Variants in CARS2 observed in about 807,000 individuals in gnomAD.
CARS2 encodes the protein probable cysteine--tRNA ligase, mitochondrial.
Under a neutral mutation model 68.8 loss-of-function variants are expected in CARS2, and 52 were observed. The observed-to-expected ratio is 0.76, with a 90% confidence interval of 0.61 to 0.95. The LOEUF (loss-of-function observed/expected upper bound fraction) is 0.95. Ranked by LOEUF, CARS2 falls within the 40% of genes least tolerant of loss-of-function variation. The pLI is 0.00. For missense variants in CARS2, 780 were observed against 754.2 expected, an observed-to-expected ratio of 1.03 and a Z score of -0.40; for synonymous variants, 314 against 303.6, an observed-to-expected ratio of 1.03 and a Z score of -0.36.
At chr13:110,679,025 C>T (rs2063057551) in intron 6 of CARS2, among the ~76,000 whole-genome samples, 4 of 15,646 alleles carry the variant, frequency 2.6e-4, no homozygotes, top group South Asian at 2.5e-3. Flanking sequence ...CGGTCACGCC[C>T]GTTGTCCTTA....
At chr13:110,647,719 C>G (rs1888338360) in intron 10 of CARS2, among the ~76,000 whole-genome samples, 2 of 152,280 alleles carry the variant, frequency 1.3e-5, no homozygotes, top group South Asian at 4.1e-4. Flanking sequence ...GTCCCCAGAC[C>G]TGGCTTTAGA....
intron 8 of CARS2, 62 bp downstream of exon 8, chr13:110,667,278 G>A (rs1271822882): frequency 1.3e-5 from 19 of 1,451,278 alleles, no homozygotes; most frequent in East Asian, 9.5e-5. Context: ...TAGCTGTTCC[G>A]CCGACAAAGA....
Position 110,662,992 on chromosome 13 carries a change from T to A in CARS2, c.987+459A>T, listed in dbSNP as rs754611175. On this transcript the variant is annotated intron_variant, in intron 9 of 14. Coordinates refer to ENST00000257347, the MANE Select transcript of CARS2 (RefSeq NM_024537.4). ...CACACGAAAATTCACATTCCATGTGTCAGCAGCATAGCATGATGCCATTTT... is the reference window on the plus strand; with the variant it reads ...CACACGAAAATTCACATTCCATGTGACAGCAGCATAGCATGATGCCATTTT... 50 of 456,918 alleles carry A rather than the reference T, an allele frequency of 1.1e-4. 1 individual carries two copies. Among genetic ancestry groups the A allele is most frequent in the South Asian group, 7.6e-4 (49 of 64,532 alleles). 28.3% of individuals were successfully genotyped at this position (456,918 alleles called of 1,614,324 possible).
upstream of CARS2, among the ~76,000 whole-genome samples, chr13:110,709,320 C>T (rs555873945): frequency 3.3e-5 from 5 of 151,954 alleles, no homozygotes; most frequent in East Asian, 9.7e-4. Flanking sequence ...TCTTGAACTC[C>T]CGACCCCAGG....
chr13:110,647,992 A>G (rs1156518075), intron 10 of CARS2, among the ~76,000 whole-genome samples: 1 of 152,146 alleles, frequency 6.6e-6, no homozygotes, highest in Non-Finnish European at 1.5e-5. Flanking sequence ...CTCTTTGAAA[A>G]CCACAAGAAT....
chr13:110,647,353 CG>C, intron 10 of CARS2, 114 bp from the exon 11 acceptor site: 2 of 1,322,716 alleles, frequency 1.5e-6, no homozygotes, highest in Non-Finnish European at 2.1e-6. Flanking sequence ...ACACGGAGAG[CG>C]GGACATGTGG....
At chr13:110,695,272 C>A (rs1027288040) in intron 3 of CARS2, among the ~76,000 whole-genome samples, 6 of 151,812 alleles carry the variant, frequency 4.0e-5, no homozygotes, top group African/African-American at 9.7e-5. Context: ...CAGAGTGAGA[C>A]CCTATCTTAA....
At position 110,668,893 on chromosome 13, in the gene CARS2, T is replaced by C. The variant is rs970985649; in HGVS notation, c.786-1420A>G. Among the ~76,000 whole-genome samples, 6 of 152,306 alleles carry C rather than the reference T, an allele frequency of 3.9e-5. No homozygotes were observed. The highest frequency in any genetic ancestry group is 3.3e-4 in the Admixed American group (5 of 15,304). ...ACAAAAATAAGAATTTCACATAACA[T>C]TACATTTGAAACTCACTAAATGTTT... is the stretch of plus-strand genomic sequence containing the variant. On this transcript the variant is annotated intron_variant, in intron 7 of 14. Transcript: ENST00000257347. This position sits in a 1 kb window ranked among gnomAD's most constrained non-coding sequence, Gnocchi z 4.1.
chr13:110,680,939 G>C (rs1363699987), intron 6 of CARS2, among the ~76,000 whole-genome samples: 1 of 152,340 alleles, frequency 6.6e-6, no homozygotes, highest in East Asian at 1.9e-4. Flanking sequence ...GGCAGGGCCC[G>C]GGAGGTTATC....
At chr13:110,684,459 C>T (rs376561915) in intron 5 of CARS2, among the ~76,000 whole-genome samples, 50 of 151,752 alleles carry the variant, frequency 3.3e-4, no homozygotes, top group Middle Eastern at 3.4e-3. Flanking sequence ...TCCCCAGCAC[C>T]GAGTGCCAGC....
Position 110,642,320 on chromosome 13 carries a change from T to TG in CARS2, c.1617dup (p.Ile540HisfsTer58). 5 of 1,549,504 alleles carry TG rather than the reference T, an allele frequency of 3.2e-6. No homozygotes were observed. Among genetic ancestry groups the TG allele is most frequent in the Non-Finnish European group, 4.4e-6 (5 of 1,146,242 alleles). ...GACCTTGGTGCGGCACTCACCTTGA[T>TG]GTTGATGCCGTGGGCAGTCAGGCCC... On this transcript the variant is annotated frameshift_variant, in exon 14 of 15. Transcript: ENST00000257347. LOFTEE classifies it high-confidence loss of function.
upstream of CARS2, among the ~76,000 whole-genome samples, chr13:110,708,126 C>T (rs2063998719): frequency 6.7e-6 from 1 of 149,632 alleles, no homozygotes; most frequent in South Asian, 2.2e-4. Context: ...GTGCCCTGCA[C>T]TAAATTCAGA....
At chr13:110,674,587 C>T (rs1447667783) in intron 7 of CARS2, among the ~76,000 whole-genome samples, 1 of 152,132 alleles carries the variant, frequency 6.6e-6, no homozygotes, top group African/African-American at 2.4e-5. Context: ...AAATGTTAGA[C>T]CTAAAACCAT....
chr13:110,642,333 G>A lies in CARS2; in HGVS notation c.1605C>T (p.Ala535=), dbSNP rs568391657. ...CACTCACCTTGATGTTGATGCCGTG[G>A]GCAGTCAGGCCCCGGCGCAGGGTGT... ...ACDTLRRGLT[A]HGINIKDRSS... The change falls in exon 14 of 15, where the codon GCC becomes GCT. Residue 535 remains alanine (A), a synonymous_variant. Transcript: ENST00000257347. The A allele has an allele frequency of 1.8e-5, 28 of 1,550,414 alleles. 1 individual carries two copies. Among genetic ancestry groups the A allele is most frequent in the South Asian group, 1.8e-4 (15 of 84,050 alleles).
At chr13:110,666,263 G>A (rs1326403595) in intron 8 of CARS2, 24 of 985,262 alleles carry the variant, frequency 2.4e-5, no homozygotes, top group South Asian at 4.7e-5. Flanking sequence ...GGCGGCAGGC[G>A]TTTGTTCTGA....
Position 110,660,763 on chromosome 13 carries a change from CTTTT to C in CARS2, c.987+2684_987+2687del, listed in dbSNP as rs201474441. On this transcript the variant is annotated intron_variant, in intron 9 of 14. Transcript: ENST00000257347. ...CAGGGAGAGTACACTTAGCATAATT[CTTTT>C]TTTTTTTTTTTTTTGAGATGGAGTC... Among the ~76,000 whole-genome samples the C allele has an allele frequency of 4.7e-3, 622 of 132,840 alleles. 4 individuals carry two copies. The highest frequency in any genetic ancestry group is 0.015 in the African/African-American group (522 of 35,438). 87.1% of individuals were successfully genotyped at this position (132,840 alleles called of 152,430 possible).
chr13:110,678,276 C>T (rs1566708618), intron 6 of CARS2, among the ~76,000 whole-genome samples: 1 of 152,194 alleles, frequency 6.6e-6, no homozygotes, highest in Admixed American at 6.5e-5. Flanking sequence ...GGCGCGTGAT[C>T]GTGTCAGGTA....
At chr13:110,701,666 C>A (rs1005633322) in intron 2 of CARS2, 111 bp from the exon 3 acceptor site, 1 of 680,964 alleles carries the variant, frequency 1.5e-6, no homozygotes, top group Non-Finnish European at 2.7e-6. Context: ...CTGTGTAGCA[C>A]AATGGACAGG....
intron 2 of CARS2, among the ~76,000 whole-genome samples, chr13:110,703,332 C>T (rs1281532226): frequency 6.6e-6 from 1 of 152,134 alleles, no homozygotes; most frequent in African/African-American, 2.4e-5. Context: ...GAGTACAATG[C>T]TAGGAGAGCT....
Sources: allele counts gnomAD v4.1 joint callset (sites outside exome capture counted in the v4.1 genomes callset), GRCh38; gene constraint gnomAD v4.1.1; non-coding constraint Gnocchi (gnomAD v3.1); transcripts MANE v1.5; gene names NCBI Gene and HGNC (gene_info 2026-07-23, HGNC 2026-07-21).